NFIB: variants seen among roughly 807,000 people sequenced by gnomAD.
NFIB encodes the protein nuclear factor I B.
A neutral mutation model predicts 61.5 loss-of-function variants in NFIB; 11 were observed. The observed-to-expected ratio is 0.18, with a 90% CI of 0.11 to 0.30. The LOEUF (loss-of-function observed/expected upper bound fraction) is 0.30. Among genes scored for constraint, NFIB ranks in the 10% least tolerant of loss-of-function variants. The pLI, the probability that NFIB is intolerant of heterozygous loss-of-function variation, is 1.00. For missense variants in NFIB, 471 were observed against 608.9 expected (o/e 0.77, Z 2.38); for synonymous variants, 260 against 216.5 (o/e 1.20, Z -1.76).
chr9:14,456,274 T>C, the NFIB span, among the ~76,000 whole-genome samples: 1 of 152,058 alleles, frequency 6.6e-6, no homozygotes. Flanking sequence ...AACATTCTTA[T>C]GTTGGGAAAG....
At chr9:14,122,551 A>ATTAC (rs1190392723) in intron 7 of NFIB, among the ~76,000 whole-genome samples, 1 of 152,246 alleles carries the variant, frequency 6.6e-6, no homozygotes, top group Admixed American at 6.5e-5. Flanking sequence ...TTACTGAAGT[A>ATTAC]TTACTTTATT....
intron 2 of NFIB, among the ~76,000 whole-genome samples, chr9:14,269,733 T>A (rs537605507): frequency 6.6e-6 from 1 of 152,178 alleles, no homozygotes; most frequent in African/African-American, 2.4e-5. Flanking sequence ...TGTCCCGATT[T>A]TTTTTTCTTG....
At chr9:14,193,302 T>C (rs2048148564) in intron 2 of NFIB, among the ~76,000 whole-genome samples, 1 of 152,114 alleles carries the variant, frequency 6.6e-6, no homozygotes, top group Non-Finnish European at 1.5e-5. Context: ...CCTTCACACA[T>C]GACTGTATGC....
chr9:14,315,354 G>A (rs2060492533), upstream of NFIB, among the ~76,000 whole-genome samples: 1 of 149,838 alleles, frequency 6.7e-6, no homozygotes, highest in African/African-American at 2.5e-5. Context: ...ACCGGGCCGA[G>A]CCGCCGCCGC....
intron 2 of NFIB, among the ~76,000 whole-genome samples, chr9:14,186,123 C>T (rs1764280557): frequency 1.3e-5 from 2 of 152,148 alleles, no homozygotes; most frequent in South Asian, 2.1e-4. Flanking sequence ...GAGTTTGGTG[C>T]AAAGAAGGAG....
intron 1 of NFIB, among the ~76,000 whole-genome samples, chr9:14,385,738 T>C (rs1207010050): frequency 6.6e-6 from 1 of 152,134 alleles, no homozygotes; most frequent in Non-Finnish European, 1.5e-5. Context: ...TTTCTACTTT[T>C]ATGGTTGTCA....
chr9:14,480,084 G>T, the NFIB span, among the ~76,000 whole-genome samples: 1 of 151,988 alleles, frequency 6.6e-6, no homozygotes, highest in Admixed American at 6.6e-5. Flanking sequence ...ATAATCAAAG[G>T]TGTAGGGAGG....
chr9:14,268,082 C>T (rs892635497), intron 2 of NFIB, among the ~76,000 whole-genome samples: 1 of 150,172 alleles, frequency 6.7e-6, no homozygotes. Flanking sequence ...TTGCAGTGAG[C>T]CAAGATCACG....
chr9:14,294,397 A>T (rs972503033), intron 2 of NFIB, among the ~76,000 whole-genome samples: 1 of 152,244 alleles, frequency 6.6e-6, no homozygotes, highest in African/African-American at 2.4e-5. Context: ...GTGAACATCA[A>T]CTTTAAATCA....
chr9:14,431,703 C>G, the NFIB span, among the ~76,000 whole-genome samples: 420 of 150,484 alleles, frequency 2.8e-3, 4 homozygotes, highest in African/African-American at 9.7e-3. Context: ...TTGGTAGAGT[C>G]AGGAAGGTTT....
chr9:14,404,578 C>T, the NFIB span, among the ~76,000 whole-genome samples: 4 of 152,232 alleles, frequency 2.6e-5, no homozygotes, highest in East Asian at 7.7e-4. Context: ...ACTCTCTCAC[C>T]TTATGAGTTA....
chr9:14,437,837 A>G, the NFIB span, among the ~76,000 whole-genome samples: 1 of 152,198 alleles, frequency 6.6e-6, no homozygotes, highest in Non-Finnish European at 1.5e-5. Context: ...AGTCGGATCC[A>G]TCACTGGGCT....
At chr9:14,330,910 G>A (rs2060813764) in intron 1 of NFIB, among the ~76,000 whole-genome samples, 2 of 152,048 alleles carry the variant, frequency 1.3e-5, no homozygotes, top group African/African-American at 4.8e-5. Context: ...TGGGCAGCTT[G>A]GGCTCTCTAC....
intron 2 of NFIB, among the ~76,000 whole-genome samples, chr9:14,182,833 T>G (rs911236679): frequency 6.0e-5 from 9 of 151,238 alleles, no homozygotes; most frequent in Non-Finnish European, 1.3e-4. Flanking sequence ...TACTTACTCT[T>G]AAGAGTCTTG....
upstream of NFIB, among the ~76,000 whole-genome samples, chr9:14,401,321 G>A (rs1227065507): frequency 6.6e-6 from 1 of 152,128 alleles, no homozygotes; most frequent in African/African-American, 2.4e-5. Flanking sequence ...TTTTCTAACT[G>A]AAATCAATCT....
chr9:14,402,574 T>C (rs1008478673), upstream of NFIB, among the ~76,000 whole-genome samples: 3 of 152,128 alleles, frequency 2.0e-5, no homozygotes, highest in Non-Finnish European at 4.4e-5. Context: ...AAATTAAGAT[T>C]GTAAAAGAAA....
At chr9:14,258,479 T>A (rs935432995) in intron 2 of NFIB, among the ~76,000 whole-genome samples, 5 of 152,216 alleles carry the variant, frequency 3.3e-5, no homozygotes, top group African/African-American at 1.2e-4. Flanking sequence ...AATAGAACTA[T>A]CTTATAAACT....
chr9:14,417,787 T>G, the NFIB span, among the ~76,000 whole-genome samples: 2 of 148,322 alleles, frequency 1.3e-5, no homozygotes, highest in African/African-American at 5.0e-5. Flanking sequence ...TTTTTTTTTT[T>G]TTTTTTTTTT....
chr9:14,308,191 T>C (rs2060114690), intron 1 of NFIB: 1 of 152,056 alleles, frequency 6.6e-6, no homozygotes, highest in Admixed American at 6.6e-5. Flanking sequence ...ATTCCAAAAG[T>C]GGTAACTAGA....
Sources: allele counts gnomAD v4.1 joint callset (sites outside exome capture counted in the v4.1 genomes callset), GRCh38; gene constraint gnomAD v4.1.1; transcripts MANE v1.5; gene names NCBI Gene and HGNC (gene_info 2026-07-23, HGNC 2026-07-21).